LNPK: variants seen among roughly 807,000 people sequenced by gnomAD.
LNPK encodes endoplasmic reticulum junction formation protein lunapark.
LNPK carries 29 observed loss-of-function variants against 55.2 expected under a neutral mutation model. That is an observed-to-expected ratio of 0.53 (90% CI 0.39 to 0.72). LNPK has a LOEUF of 0.72. Among genes scored for constraint, LNPK ranks in the 30% least tolerant of loss-of-function variants. The pLI is 0.00. For missense variants in LNPK, 467 were observed against 494.8 expected (o/e 0.94, Z 0.53); for synonymous variants, 162 against 168.2 (o/e 0.96, Z 0.29).
chr2:175,950,954 A>G (rs1226740813), intron 8 of LNPK, among the ~76,000 whole-genome samples: 1 of 152,136 alleles, frequency 6.6e-6, no homozygotes, highest in African/African-American at 2.4e-5. Context: ...TACACATTAA[A>G]TGTTCCCTTA....
intron 5 of LNPK, among the ~76,000 whole-genome samples, chr2:175,978,135 C>T (rs929688932): frequency 4.0e-5 from 6 of 151,728 alleles, no homozygotes; most frequent in African/African-American, 1.2e-4. Flanking sequence ...ATTAAATCAA[C>T]CATGGATCAA....
intron 10 of LNPK, among the ~76,000 whole-genome samples, chr2:175,939,117 C>T (rs1328497466): frequency 2.0e-5 from 3 of 151,928 alleles, no homozygotes; most frequent in Admixed American, 6.6e-5. Context: ...ACATATCATA[C>T]GATCTTCCTA....
intron 5 of LNPK, among the ~76,000 whole-genome samples, chr2:175,973,639 CTCACCTA>C (rs1370971154): frequency 4.6e-5 from 7 of 152,192 alleles, no homozygotes; most frequent in African/African-American, 1.2e-4. Context: ...TGAAAATATT[CTCACCTA>C]AAGTTGTTCT....
At chr2:175,951,963 T>C (rs1455451030) in intron 8 of LNPK, among the ~76,000 whole-genome samples, 4 of 152,096 alleles carry the variant, frequency 2.6e-5, no homozygotes, top group Non-Finnish European at 5.9e-5. Context: ...ATTTTGGTTT[T>C]GATTTGCATT....
At chr2:175,963,463 C>T (rs1316898062) in intron 8 of LNPK, among the ~76,000 whole-genome samples, 1 of 151,886 alleles carries the variant, frequency 6.6e-6, no homozygotes, top group Non-Finnish European at 1.5e-5. Context: ...GAACAAAAAA[C>T]CAAACACTGC....
chr2:175,990,370 C>T (rs1051901243), intron 4 of LNPK, among the ~76,000 whole-genome samples: 5 of 152,186 alleles, frequency 3.3e-5, no homozygotes, highest in African/African-American at 1.2e-4. Context: ...ATGCTGGCTC[C>T]CTGTCACCTT....
intron 1 of LNPK, among the ~76,000 whole-genome samples, chr2:175,998,400 G>A (rs1202397273): frequency 1.4e-5 from 2 of 142,088 alleles, no homozygotes; most frequent in Non-Finnish European, 3.0e-5. Context: ...CCAAGATCGC[G>A]CCACTGCACT....
intron 8 of LNPK, among the ~76,000 whole-genome samples, chr2:175,963,233 C>T (rs1402989748): frequency 1.3e-5 from 2 of 152,028 alleles, no homozygotes; most frequent in Non-Finnish European, 1.5e-5. Context: ...ATAAATCATG[C>T]TGCTATAAAG....
intron 6 of LNPK, chr2:175,967,873 A>T (rs1686448359): frequency 2.1e-6 from 1 of 482,494 alleles, no homozygotes; most frequent in African/African-American, 2.1e-5. Flanking sequence ...GTAACATTTT[A>T]AGCCGCTATA....
intron 8 of LNPK, among the ~76,000 whole-genome samples, chr2:175,960,573 A>T (rs890592880): frequency 2.6e-5 from 4 of 152,166 alleles, no homozygotes; most frequent in African/African-American, 4.8e-5. Context: ...TGTAGAGGGA[A>T]ATTTATAGCA....
chr2:175,963,710 A>G (rs1686187683), intron 8 of LNPK, among the ~76,000 whole-genome samples: 2 of 151,744 alleles, frequency 1.3e-5, no homozygotes, highest in South Asian at 4.1e-4. Context: ...TAATAAATAA[A>G]TTAATTAATT....
intron 4 of LNPK, among the ~76,000 whole-genome samples, chr2:175,986,969 AG>A (rs1687445420): frequency 6.6e-6 from 1 of 151,644 alleles, no homozygotes; most frequent in African/African-American, 2.4e-5. Flanking sequence ...ATATCAAACA[AG>A]AAAAAAAAAA....
chr2:175,937,242 A>G, intron 12 of LNPK, 102 bp downstream of exon 12: 1 of 1,182,220 alleles, frequency 8.5e-7, no homozygotes, highest in East Asian at 2.4e-5. Context: ...GCATGCAGCA[A>G]AATCTGATAA....
intron 8 of LNPK, among the ~76,000 whole-genome samples, chr2:175,948,122 T>C (rs752998352): frequency 2.6e-5 from 4 of 152,242 alleles, no homozygotes; most frequent in Non-Finnish European, 5.9e-5. Context: ...TCTGGAATTA[T>C]CAAAGTAATT....
Position 175,995,621 on chromosome 2 carries a change from C to T in LNPK, c.-37G>A, listed in dbSNP as rs1216764756. 6.4e-7 allele frequency: 1 copy of T among 1,550,778 alleles called. No individual in the cohort carries two copies. The highest frequency in any genetic ancestry group is 1.7e-5 in the Admixed American group (1 of 59,524). On this transcript the variant is annotated 5_prime_UTR_variant, in exon 2 of 13. The change abolishes an upstream ATG in the 5' untranslated region. Coordinates refer to ENST00000272748, the MANE Select transcript of LNPK (RefSeq NM_030650.3). ...AGAAACTGGGCACAATGATAAATAT[C>T]ATCAATTGTCCAAAGGAATTCACAG...
intron 1 of LNPK, among the ~76,000 whole-genome samples, chr2:175,999,512 A>G (rs532288156): frequency 1.7e-4 from 26 of 152,368 alleles, no homozygotes; most frequent in African/African-American, 6.3e-4. Flanking sequence ...TTACTGCTGT[A>G]GTTGTAGCTA....
At chr2:175,938,243 C>A in intron 11 of LNPK, 70 bp downstream of exon 11, 2 of 930,872 alleles carry the variant, frequency 2.1e-6, no homozygotes. Context: ...AATGACACTG[C>A]ATAGAAAATG....
chr2:175,970,379 T>C (rs1267284879), intron 6 of LNPK, among the ~76,000 whole-genome samples: 1 of 152,184 alleles, frequency 6.6e-6, no homozygotes, highest in Non-Finnish European at 1.5e-5. Context: ...CCGATCTTCT[T>C]GATTCCCTCT....
At chr2:175,980,918 A>AG (rs1158897771) in intron 4 of LNPK, among the ~76,000 whole-genome samples, 14 of 152,076 alleles carry the variant, frequency 9.2e-5, no homozygotes, top group South Asian at 8.3e-4. Flanking sequence ...AAAAAAAAAA[A>AG]AAAGAAAGAA....
Sources: gnomAD v4.1 joint callset for allele counts (sites outside exome capture counted in the v4.1 genomes callset) on GRCh38, gnomAD v4.1.1 for gene constraint, MANE v1.5 for transcripts, NCBI Gene and HGNC (gene_info 2026-07-23, HGNC 2026-07-21) for gene names.